AGAP1: variants seen among roughly 807,000 people sequenced by gnomAD.
The protein encoded by AGAP1 is arf-GAP with GTPase, ANK repeat and PH domain-containing protein 1.
Under a neutral mutation model 105.3 loss-of-function variants are expected in AGAP1, and 29 were observed. The ratio of observed to expected loss-of-function variants is 0.28; its 90% confidence interval spans 0.21 to 0.38. AGAP1 has a LOEUF of 0.38. Among genes scored for constraint, AGAP1 ranks in the 10% least tolerant of loss-of-function variants. The pLI is 1.00. For missense variants in AGAP1, 998 were observed against 1,165.1 expected (o/e 0.86, Z 2.09); for synonymous variants, 509 against 485.9 (o/e 1.05, Z -0.63).
At position 235,885,363 on chromosome 2, in the gene AGAP1, C is replaced by G. The variant is rs571114209; in HGVS notation, c.1155+1914C>G. 5.3e-5 allele frequency among the ~76,000 whole-genome samples: 8 copies of G among 152,152 alleles called. No homozygotes were observed. In the East Asian group the frequency reaches 1.5e-3, roughly 29 times the overall value. ...ATCCCACGGTATCTGAAAAATGAAC[C>G]TTGGCAGATAAATTTACTTTCAGTT... On this transcript the variant is annotated intron_variant, in intron 10 of 17. Coordinates refer to ENST00000304032, the MANE Select transcript of AGAP1 (RefSeq NM_001037131.3).
At chr2:235,859,389 A>AC (rs2048822071) in intron 9 of AGAP1, among the ~76,000 whole-genome samples, 2 of 24,156 alleles carry the variant, frequency 8.3e-5, no homozygotes, top group Admixed American at 5.2e-4. Flanking sequence ...CTCCCCCCAC[A>AC]ACCTCCCCCC....
chr2:235,746,376 A>ATTTTT (rs1559427651), intron 5 of AGAP1, among the ~76,000 whole-genome samples: 1 of 44,092 alleles, frequency 2.3e-5, no homozygotes, highest in Non-Finnish European at 4.3e-5. Flanking sequence ...ACCTCCCCCA[A>ATTTTT]CTTTTTTTTT....
chr2:235,873,605 T>C (rs2049553151), intron 9 of AGAP1, among the ~76,000 whole-genome samples: 1 of 152,200 alleles, frequency 6.6e-6, no homozygotes. Context: ...TTTCCCAGGA[T>C]TGGGGCCCTT....
chr2:236,032,316 T>G (rs1350711000), intron 13 of AGAP1, among the ~76,000 whole-genome samples: 1 of 152,234 alleles, frequency 6.6e-6, no homozygotes, highest in Non-Finnish European at 1.5e-5. Context: ...ACCCCTTAGC[T>G]GTGAATCCAT....
At chr2:236,041,515 A>G (rs934916113) in intron 15 of AGAP1, among the ~76,000 whole-genome samples, 2 of 152,072 alleles carry the variant, frequency 1.3e-5, no homozygotes, top group Non-Finnish European at 2.9e-5. Context: ...AATCCATACT[A>G]TTACTTTCCC....
At position 235,659,245 on chromosome 2, in the gene AGAP1, C is replaced by G. The variant is rs75627855; in HGVS notation, c.164-49934C>G. Among the ~76,000 whole-genome samples the G allele has an allele frequency of 9.1e-3, 1,393 of 152,324 alleles. 21 individuals carry two copies. Among genetic ancestry groups the G allele is most frequent in the Non-Finnish European group, 0.012 (848 of 68,018 alleles). ...ATCCAGGGACCTTTTTAACCTGTGA[C>G]TGACTTTTTATGTCTTTCTATGTCT... is the stretch of plus-strand genomic sequence containing the variant. On this transcript the variant is annotated intron_variant, in intron 1 of 17. Transcript: ENST00000304032. The surrounding 1 kb of genome is among the most constrained non-coding windows in gnomAD (Gnocchi z 5.0).
rs539864695 is a variant in AGAP1, at chr2:235,689,161, G to C, written c.164-20018G>C. Among the ~76,000 whole-genome samples, 2 of 152,222 alleles carry C rather than the reference G, an allele frequency of 1.3e-5. No homozygotes were observed. Among genetic ancestry groups the C allele is most frequent in the African/African-American group, 4.8e-5 (2 of 41,464 alleles). Reference sequence around the variant, plus strand: ...GAGTTAGGGGCTTCAGGGCTTCTGCGCTTTGCTGGCCCTTGTGCTGCCTTC... The same window carrying C: ...GAGTTAGGGGCTTCAGGGCTTCTGCCCTTTGCTGGCCCTTGTGCTGCCTTC... On this transcript the variant is annotated intron_variant, in intron 1 of 17. Transcript: ENST00000304032. The surrounding 1 kb of genome is among the most constrained non-coding windows in gnomAD (Gnocchi z 4.2).
chr2:235,922,782 C>T (rs1022308345), intron 11 of AGAP1, among the ~76,000 whole-genome samples: 2 of 152,188 alleles, frequency 1.3e-5, no homozygotes, highest in African/African-American at 4.8e-5. Context: ...GTTCAGGCAA[C>T]ATACTGATAT....
chr2:235,877,566 C>T lies in AGAP1; in HGVS notation c.1051-5779C>T, dbSNP rs924204256. On this transcript the variant is annotated intron_variant, in intron 9 of 17. Transcript: ENST00000304032. This position sits in a 1 kb window ranked among gnomAD's most constrained non-coding sequence, Gnocchi z 4.3. ...CTCAGAGTGAGTGATTTACATGTTG[C>T]GTCTCCCTCAGCGCTGTCCCCCTTA... Among the ~76,000 whole-genome samples, 2 of 152,130 alleles carry T rather than the reference C, an allele frequency of 1.3e-5. No homozygotes were observed. Among genetic ancestry groups the T allele is most frequent in the Admixed American group, 6.5e-5 (1 of 15,274 alleles).
At chr2:235,718,940 C>T (rs1951250110) in intron 3 of AGAP1, among the ~76,000 whole-genome samples, 1 of 152,134 alleles carries the variant, frequency 6.6e-6, no homozygotes, top group Non-Finnish European at 1.5e-5. Context: ...TTTATTTGCT[C>T]CTTTGTGTCG....
chr2:235,597,059 G>T (rs973877967), intron 1 of AGAP1, among the ~76,000 whole-genome samples: 12 of 152,306 alleles, frequency 7.9e-5, no homozygotes, highest in Admixed American at 6.5e-4. Context: ...GGTGGTCTTT[G>T]TGATAGCAGC....
intron 9 of AGAP1, among the ~76,000 whole-genome samples, chr2:235,822,166 C>A (rs191411972): frequency 2.0e-5 from 3 of 152,326 alleles, no homozygotes; most frequent in East Asian, 3.9e-4. Flanking sequence ...CTGTGCTGAT[C>A]ATTTTTAGTG....
Position 235,494,683 on chromosome 2 carries a change from C to T in AGAP1, c.-4C>T, listed in dbSNP as rs200833886. On this transcript the variant is annotated 5_prime_UTR_variant, in exon 1 of 18. Transcript: ENST00000304032. ...CGCGCGGCTCCGGGCGCGGCGCCTG[C>T]ACCATGAACTACCAGCAGCAGCTGG... 4.7e-6 allele frequency: 7 copies of T among 1,478,704 alleles called. No individual in the cohort carries two copies. Among genetic ancestry groups the T allele is most frequent in the Admixed American group, 2.0e-5 (1 of 49,422 alleles). The allele number at this position is 1,478,704 out of a possible 1,614,324, so 91.6% of individuals were successfully genotyped here.
At chr2:235,820,683 T>G (rs1410168183) in intron 9 of AGAP1, among the ~76,000 whole-genome samples, 1 of 152,200 alleles carries the variant, frequency 6.6e-6, no homozygotes, top group African/African-American at 2.4e-5. Flanking sequence ...AAAATTAATT[T>G]TATACAAATA....
chr2:235,733,716 C>T lies in AGAP1; in HGVS notation c.311-7247C>T, dbSNP rs1346951274. Among the ~76,000 whole-genome samples the T allele has an allele frequency of 6.6e-6, 1 of 152,184 alleles. No homozygotes were observed. Among genetic ancestry groups the T allele is most frequent in the Non-Finnish European group, 1.5e-5 (1 of 68,036 alleles). ...AGGAAATCGTGTTAAGTGCTCACTT[C>T]ACTGCGGGTCAGAACCCCGGAGTGT... On this transcript the variant is annotated intron_variant, in intron 3 of 17. Transcript: ENST00000304032. This position sits in a 1 kb window ranked among gnomAD's most constrained non-coding sequence, Gnocchi z 5.0.
chr2:236,013,779 C>G (rs1226324796), intron 13 of AGAP1, among the ~76,000 whole-genome samples: 1 of 152,234 alleles, frequency 6.6e-6, no homozygotes, highest in Non-Finnish European at 1.5e-5. Context: ...GCACGGCAGT[C>G]CAAGCCCTCT....
intron 6 of AGAP1, among the ~76,000 whole-genome samples, chr2:235,796,071 G>A (rs1045414537): frequency 1.3e-5 from 2 of 152,144 alleles, no homozygotes; most frequent in Non-Finnish European, 2.9e-5. Context: ...CATTTCTTAC[G>A]AATGTAAAGT....
At chr2:235,784,326 C>G (rs536975133) in intron 6 of AGAP1, among the ~76,000 whole-genome samples, 1 of 152,246 alleles carries the variant, frequency 6.6e-6, no homozygotes, top group South Asian at 2.1e-4. Flanking sequence ...TGAAGAATTT[C>G]ACTAATGCAT....
chr2:236,046,801 G>GA lies in AGAP1; in HGVS notation c.1892-2252dup, dbSNP rs973707126. Among the ~76,000 whole-genome samples the GA allele has an allele frequency of 5.9e-5, 9 of 152,092 alleles. No individual in the cohort carries two copies. Among genetic ancestry groups the GA allele is most frequent in the Non-Finnish European group, 1.2e-4 (8 of 68,020 alleles). On this transcript the variant is annotated intron_variant, in intron 15 of 17. Coordinates refer to ENST00000304032, the MANE Select transcript of AGAP1 (RefSeq NM_001037131.3). This position sits in a 1 kb window ranked among gnomAD's most constrained non-coding sequence, Gnocchi z 5.2. The stretch of plus-strand genomic sequence containing the variant: ...ACAACGGAGCAACCAGGAAAGTGGG[G>GA]AAAAAATCCAGAGAGGTCGTTGACC...
Sources: gnomAD v4.1 joint callset for allele counts (sites outside exome capture counted in the v4.1 genomes callset) on GRCh38, gnomAD v4.1.1 for gene constraint, Gnocchi (gnomAD v3.1) non-coding constraint, MANE v1.5 for transcripts, NCBI Gene and HGNC (gene_info 2026-07-23, HGNC 2026-07-21) for gene names.